The following PHACTR4 variants were observed in gnomAD, a reference collection of about 807,000 sequenced individuals.
PHACTR4 encodes the protein phosphatase and actin regulator 4.
PHACTR4 carries 51 observed loss-of-function variants against 72.7 expected under a neutral mutation model. The observed-to-expected ratio is 0.70, with a 90% confidence interval of 0.56 to 0.89. The LOEUF (loss-of-function observed/expected upper bound fraction) is 0.89. Among genes scored for constraint, PHACTR4 ranks in the 40% least tolerant of loss-of-function variants. The pLI is 0.00. For synonymous variants in PHACTR4, 255 were observed against 302.5 expected (o/e 0.84, Z 1.63); for missense variants, 731 against 861.8 (o/e 0.85, Z 1.90).
intron 9 of PHACTR4, among the ~76,000 whole-genome samples, chr1:28,487,805 C>G (rs1270203737): frequency 8.3e-6 from 1 of 120,536 alleles, no homozygotes; most frequent in Non-Finnish European, 1.6e-5. Flanking sequence ...GCATGAGCTT[C>G]AGCTCACTGC....
At chr1:28,484,807 A>G (rs983012193) in intron 9 of PHACTR4, among the ~76,000 whole-genome samples, 3 of 151,936 alleles carry the variant, frequency 2.0e-5, no homozygotes, top group Non-Finnish European at 4.4e-5. Context: ...CTCTACTAAA[A>G]TTACAAAAAA....
At chr1:28,464,951 G>T (rs184637298) in intron 4 of PHACTR4, among the ~76,000 whole-genome samples, 66 of 152,126 alleles carry the variant, frequency 4.3e-4, no homozygotes, top group African/African-American at 1.4e-3. Context: ...TGATCCACCT[G>T]CCTCAGCCTC....
At chr1:28,383,321 G>A (rs1230369510) in intron 1 of PHACTR4, among the ~76,000 whole-genome samples, 2 of 151,976 alleles carry the variant, frequency 1.3e-5, no homozygotes, top group Non-Finnish European at 2.9e-5. Context: ...TTTTTGCTTA[G>A]GATTTCCTTG....
chr1:28,391,599 CTT>C (rs751801605), intron 1 of PHACTR4, among the ~76,000 whole-genome samples: 11 of 98,810 alleles, frequency 1.1e-4, no homozygotes, highest in African/African-American at 3.3e-4. Flanking sequence ...AAAATATATT[CTT>C]TTTTTTTTTT....
At position 28,497,529 on chromosome 1, in the gene PHACTR4, TAAAAAAAAAAAA is replaced by T. The variant is rs76459119; in HGVS notation, c.*991_*1002del. The T allele has an allele frequency of 9.1e-6, 1 of 110,166 alleles. No individual in the cohort carries two copies. Among genetic ancestry groups the T allele is most frequent in the African/African-American group, 3.3e-5 (1 of 30,314 alleles). The allele number at this position is 110,166 out of a possible 1,614,324, so 6.8% of individuals were successfully genotyped here. A position where few individuals can be genotyped will look rare whatever the true frequency, so the allele number is the denominator to read the frequency against. ...TGGGCAACAAAGTGGGACTCTGTCTTAAAAAAAAAAAAAAAAAAAAAATCGGTTAGATGAGAA... is the reference window on the plus strand; with the variant it reads ...TGGGCAACAAAGTGGGACTCTGTCTTAAAAAAAAAATCGGTTAGATGAGAA... On this transcript the variant is annotated 3_prime_UTR_variant, in exon 14 of 14. Coordinates refer to ENST00000373839, the MANE Select transcript of PHACTR4 (RefSeq NM_001048183.3).
chr1:28,435,780 C>T (rs945779970), intron 2 of PHACTR4, among the ~76,000 whole-genome samples: 1 of 152,158 alleles, frequency 6.6e-6, no homozygotes, highest in Non-Finnish European at 1.5e-5. Flanking sequence ...ATGTTGAGCA[C>T]CTCCTGAGTG....
chr1:28,493,203 T>C (rs1344044167), intron 13 of PHACTR4, 112 bp downstream of exon 13: 5 of 883,016 alleles, frequency 5.7e-6, no homozygotes, highest in Non-Finnish European at 9.1e-6. Context: ...TCAGTGTTGA[T>C]TGCAAGACTG....
At position 28,407,469 on chromosome 1, in the gene PHACTR4, T is replaced by C. The variant is rs1654432982; in HGVS notation, c.16+6T>C. On this transcript the variant is annotated splice_donor_region_variant and intron_variant, in intron 2 of 13. Coordinates refer to ENST00000373839, the MANE Select transcript of PHACTR4 (RefSeq NM_001048183.3). ...TGGCATGGAAGATCCATTTGGTGAG[T>C]ATCACCTACATTGTTCTTAGTAAAT... 6.2e-7 allele frequency: 1 copy of C among 1,604,700 alleles called. No homozygotes were observed. Among genetic ancestry groups the C allele is most frequent in the African/African-American group, 1.3e-5 (1 of 74,648 alleles).
At chr1:28,435,626 G>A (rs1445228144) in intron 2 of PHACTR4, among the ~76,000 whole-genome samples, 2 of 152,212 alleles carry the variant, frequency 1.3e-5, no homozygotes, top group African/African-American at 2.4e-5. Flanking sequence ...GAGAGGTGAA[G>A]TAACTTGTCT....
intron 1 of PHACTR4, among the ~76,000 whole-genome samples, chr1:28,370,549 G>T (rs998624384): frequency 3.4e-5 from 5 of 149,036 alleles, no homozygotes; most frequent in Admixed American, 1.4e-4. Context: ...TGGTAGAATG[G>T]CAGTTCACGC....
chr1:28,420,425 AAAG>A (rs1655438863), intron 2 of PHACTR4, among the ~76,000 whole-genome samples: 1 of 152,140 alleles, frequency 6.6e-6, no homozygotes, highest in African/African-American at 2.4e-5. Flanking sequence ...GCCACCTTGT[AAAG>A]AAGACACCTT....
intron 1 of PHACTR4, among the ~76,000 whole-genome samples, chr1:28,399,746 A>C (rs1653804834): frequency 6.6e-6 from 1 of 152,224 alleles, no homozygotes. Context: ...AATTACAGAT[A>C]GTATACCATC....
At chr1:28,394,908 T>G (rs1653369290) in intron 1 of PHACTR4, among the ~76,000 whole-genome samples, 1 of 150,474 alleles carries the variant, frequency 6.6e-6, no homozygotes, top group African/African-American at 2.4e-5. Context: ...GGCCATCCTT[T>G]TTTTCTTTTT....
At chr1:28,453,166 T>C (rs900519561) in intron 2 of PHACTR4, among the ~76,000 whole-genome samples, 1 of 152,134 alleles carries the variant, frequency 6.6e-6, no homozygotes, top group African/African-American at 2.4e-5. Flanking sequence ...TTAACTAGCA[T>C]ATACTGTACT....
intron 1 of PHACTR4, among the ~76,000 whole-genome samples, chr1:28,395,818 ATT>A (rs754161784): frequency 8.0e-5 from 6 of 74,998 alleles, no homozygotes; most frequent in East Asian, 5.1e-4. Flanking sequence ...CGCCTGGCTA[ATT>A]TTTTTTTTTT....
intron 4 of PHACTR4, among the ~76,000 whole-genome samples, chr1:28,462,662 G>T (rs1490166605): frequency 3.3e-5 from 5 of 152,166 alleles, no homozygotes; most frequent in African/African-American, 1.2e-4. Context: ...CACCACGCCT[G>T]ATGATCTTTT....
intron 2 of PHACTR4, among the ~76,000 whole-genome samples, chr1:28,418,831 G>A (rs1655292469): frequency 6.7e-6 from 1 of 149,474 alleles, no homozygotes; most frequent in African/African-American, 2.5e-5. Flanking sequence ...TGCGCCTGTA[G>A]TCCCAGCTAC....
At chr1:28,375,216 T>G (rs898697503) in intron 1 of PHACTR4, among the ~76,000 whole-genome samples, 1 of 152,098 alleles carries the variant, frequency 6.6e-6, no homozygotes, top group Non-Finnish European at 1.5e-5. Context: ...TGAGACTTGC[T>G]TGATCCCAGG....
At chr1:28,443,931 A>G (rs1657236232) in intron 2 of PHACTR4, among the ~76,000 whole-genome samples, 1 of 152,058 alleles carries the variant, frequency 6.6e-6, no homozygotes, top group Non-Finnish European at 1.5e-5. Flanking sequence ...TTTCCTTTGG[A>G]TATATTCCCA....
Sources: gnomAD v4.1 joint callset for allele counts (sites outside exome capture counted in the v4.1 genomes callset) on GRCh38, gnomAD v4.1.1 for gene constraint, MANE v1.5 for transcripts, NCBI Gene and HGNC (gene_info 2026-07-23, HGNC 2026-07-21) for gene names.